Variants in GLIS3 observed in about 807,000 individuals in gnomAD.
GLIS3 encodes the protein GLIS family zinc finger 3, also known as zinc finger protein GLIS3.
In GLIS3, 53 loss-of-function variants were observed where a neutral mutation model predicts 78.6. The ratio of observed to expected loss-of-function variants is 0.67; its 90% confidence interval spans 0.54 to 0.85. The LOEUF (loss-of-function observed/expected upper bound fraction) is 0.85, where lower values mean the gene tolerates loss of function less well. GLIS3 is among the 40% of genes least tolerant of loss of function. The pLI is 0.00. For synonymous variants in GLIS3, 684 were observed against 509.9 expected, an observed-to-expected ratio of 1.34 and a Z score of -4.60; for missense variants, 1,703 against 1,231.1, an observed-to-expected ratio of 1.38 and a Z score of -5.74.
chr9:4,097,283 A>T (rs1199834379), intron 4 of GLIS3, among the ~76,000 whole-genome samples: 1 of 152,140 alleles, frequency 6.6e-6, no homozygotes, highest in Non-Finnish European at 1.5e-5. Context: ...CAGGATTCAA[A>T]GTAAAAAAAA....
At chr9:4,175,573 G>C (rs1338355583) in intron 2 of GLIS3, among the ~76,000 whole-genome samples, 1 of 152,146 alleles carries the variant, frequency 6.6e-6, no homozygotes, top group South Asian at 2.1e-4. Flanking sequence ...CTGAAAATCA[G>C]AAACTGCCAT....
At chr9:4,320,299 T>C (rs1033393394) in intron 2 of GLIS3, among the ~76,000 whole-genome samples, 13 of 152,144 alleles carry the variant, frequency 8.5e-5, no homozygotes, top group Non-Finnish European at 1.6e-4. Context: ...AGCTGACTTT[T>C]GGATAATAAA....
At chr9:4,057,040 C>T (rs1303261347) in intron 4 of GLIS3, among the ~76,000 whole-genome samples, 1 of 151,578 alleles carries the variant, frequency 6.6e-6, no homozygotes, top group African/African-American at 2.4e-5. Flanking sequence ...ACTGGCCATG[C>T]ATCTCCCACC....
chr9:4,393,582 T>C, the GLIS3 span, among the ~76,000 whole-genome samples: 7 of 152,196 alleles, frequency 4.6e-5, no homozygotes. Context: ...TCTGGAACAG[T>C]TTCTCAGTCA....
At position 3,879,457 on chromosome 9, in the gene GLIS3, G is replaced by T; in HGVS notation, c.2267C>A (p.Pro756Gln). The part of the protein sequence containing the change: ...SPHNPSSQLP[P>Q]LTAVDAGAER... ...AGCTCCTGCGTCCACAGCTGTGAGTGGAGGTAACTGGGAGGAGGGGTTGTG... is the reference window on the plus strand; with the variant it reads ...AGCTCCTGCGTCCACAGCTGTGAGTTGAGGTAACTGGGAGGAGGGGTTGTG... The change falls in exon 8 of 11, where the codon CCA becomes CAA. Residue 756 changes from proline (P) to glutamine (Q), a missense_variant. Coordinates refer to ENST00000381971, the MANE Select transcript of GLIS3 (RefSeq NM_001042413.2). 6.2e-7 allele frequency: 1 copy of T among 1,614,104 alleles called. No individual in the cohort carries two copies. Among genetic ancestry groups the T allele is most frequent in the Non-Finnish European group, 8.5e-7 (1 of 1,179,996 alleles).
chr9:4,417,345 T>C, the GLIS3 span, among the ~76,000 whole-genome samples: 1 of 152,200 alleles, frequency 6.6e-6, no homozygotes, highest in Admixed American at 6.5e-5. Context: ...TATCAAACCA[T>C]GAAAAGCAAG....
At chr9:3,885,960 A>G (rs932932814) in intron 7 of GLIS3, among the ~76,000 whole-genome samples, 2 of 152,234 alleles carry the variant, frequency 1.3e-5, no homozygotes, top group Non-Finnish European at 2.9e-5. Flanking sequence ...ATCTTAAATA[A>G]GGATAATACC....
intron 4 of GLIS3, among the ~76,000 whole-genome samples, chr9:4,064,014 T>C (rs1421698340): frequency 6.6e-6 from 1 of 152,176 alleles, no homozygotes; most frequent in Non-Finnish European, 1.5e-5. Context: ...AGACTTTTTT[T>C]TTCAACTCTG....
chr9:4,106,520 G>C (rs1041775800), intron 4 of GLIS3, among the ~76,000 whole-genome samples: 1 of 152,148 alleles, frequency 6.6e-6, no homozygotes, highest in Non-Finnish European at 1.5e-5. Context: ...ATTATAAAGA[G>C]CCAGGCAATT....
At position 3,898,769 on chromosome 9, in the gene GLIS3, G is replaced by C; in HGVS notation, c.2050C>G (p.Pro684Ala). The C allele has an allele frequency of 1.2e-6, 2 of 1,614,188 alleles. No homozygotes were observed. The highest frequency in any genetic ancestry group is 1.1e-5 in the South Asian group (1 of 91,082). The change falls in exon 7 of 11, where the codon CCG (proline) becomes GCG (alanine). Residue 684 changes from proline (P) to alanine (A), a missense_variant. Coordinates refer to ENST00000381971, the MANE Select transcript of GLIS3 (RefSeq NM_001042413.2). The part of the protein sequence containing the change: ...TDCLTVQSLQ[P>A]ATSPRDAAAE... ...GCAGCATCTCTAGGGGAAGTGGCCG[G>C]CTGCAGGGACTGCACGGTGAGGCAA...
intron 4 of GLIS3, among the ~76,000 whole-genome samples, chr9:4,057,880 G>A (rs890683683): frequency 1.4e-4 from 22 of 152,156 alleles, no homozygotes; most frequent in East Asian, 1.2e-3. Context: ...ACACGGCCTC[G>A]CTAAGAACCT....
At chr9:4,209,698 G>A (rs1408643562) in intron 2 of GLIS3, among the ~76,000 whole-genome samples, 3 of 152,072 alleles carry the variant, frequency 2.0e-5, no homozygotes, top group African/African-American at 7.3e-5. Context: ...GTTTCTTAAC[G>A]TCACTCCTAC....
intron 2 of GLIS3, among the ~76,000 whole-genome samples, chr9:4,332,954 T>A (rs986115549): frequency 3.3e-5 from 5 of 152,262 alleles, no homozygotes; most frequent in Non-Finnish European, 5.9e-5. Flanking sequence ...TAATCTTGAT[T>A]CAATGTTAAC....
chr9:4,228,524 A>G (rs141995085), intron 2 of GLIS3, among the ~76,000 whole-genome samples: 26 of 152,184 alleles, frequency 1.7e-4, no homozygotes, highest in Non-Finnish European at 1.8e-4. Context: ...ATAAAATCTC[A>G]TGTATTAACT....
At chr9:4,298,511 G>T (rs1587360250) in intron 1 of GLIS3, 2 of 435,104 alleles carry the variant, frequency 4.6e-6, no homozygotes, top group Non-Finnish European at 9.2e-6. Flanking sequence ...CTCGGGGCAA[G>T]GTGTGTGTCT....
the GLIS3 span, among the ~76,000 whole-genome samples, chr9:4,356,895 A>G: frequency 5.3e-5 from 8 of 152,344 alleles, no homozygotes; most frequent in South Asian, 1.0e-3. Flanking sequence ...AGGCAAGAGC[A>G]TTATACCAGG....
intron 2 of GLIS3, among the ~76,000 whole-genome samples, chr9:4,223,712 A>G (rs1386721369): frequency 6.6e-6 from 1 of 152,208 alleles, no homozygotes; most frequent in Admixed American, 6.5e-5. Context: ...CAATATTTTT[A>G]AATTCCACCT....
chr9:4,181,047 G>A (rs1157976597), intron 2 of GLIS3, among the ~76,000 whole-genome samples: 1 of 152,224 alleles, frequency 6.6e-6, no homozygotes. Context: ...GATGAGCTGA[G>A]TCAAACTTCC....
rs949432456 is a variant in GLIS3 at position 3,839,591 on chromosome 9, A to T, written c.2474-10099T>A. ...TGTCCCAAGTTTACAGCCAAAAAAA[A>T]AAAGGGGGGAGAAGTTAAAATAACT... On this transcript the variant is annotated intron_variant, in intron 9 of 10. Transcript: ENST00000381971. Among the ~76,000 whole-genome samples the T allele has an allele frequency of 5.7e-4, 86 of 152,174 alleles. No homozygotes were observed. In the Middle Eastern group the frequency reaches 0.01, roughly 18 times the overall value.
Sources: gnomAD v4.1 joint callset for allele counts (sites outside exome capture counted in the v4.1 genomes callset) on GRCh38, gnomAD v4.1.1 for gene constraint, MANE v1.5 for transcripts, NCBI Gene and HGNC (gene_info 2026-07-23, HGNC 2026-07-21) for gene names.